The following RAB27A variants were observed in gnomAD, a reference collection of about 807,000 sequenced individuals.
RAB27A encodes ras-related protein Rab-27A.
RAB27A carries 17 observed loss-of-function variants against 20.8 expected under a neutral mutation model. That is an observed-to-expected ratio of 0.82 (90% CI 0.56 to 1.23). The LOEUF (loss-of-function observed/expected upper bound fraction) is 1.23. RAB27A is among the 50% of genes most tolerant of loss of function. RAB27A has a pLI of 0.00. For missense variants in RAB27A, 277 were observed against 266.7 expected (o/e 1.04, Z -0.27); for synonymous variants, 85 against 92.8 (o/e 0.92, Z 0.48).
At chr15:55,216,258 G>C (rs912676054) in intron 6 of RAB27A, among the ~76,000 whole-genome samples, 3 of 152,136 alleles carry the variant, frequency 2.0e-5, no homozygotes, top group Admixed American at 2.0e-4. Flanking sequence ...ACACAGCCAG[G>C]CACCGTGGCT....
rs1894508519 is a variant in RAB27A at position 55,203,704 on chromosome 15, G to A, written c.*1803C>T. ...CCCAAAGTGCTGGGATTACAGGTGT[G>A]AGCCACCGCGCCTGGCCAACCCTGC... is the stretch of plus-strand genomic sequence containing the variant. On this transcript the variant is annotated 3_prime_UTR_variant, in exon 7 of 7. Transcript: ENST00000336787. 2 of 151,626 alleles carry A rather than the reference G, an allele frequency of 1.3e-5. No individual in the cohort carries two copies. The highest frequency in any genetic ancestry group is 4.2e-4 in the South Asian group (2 of 4,794). 9.4% of individuals were successfully genotyped at this position (151,626 alleles called of 1,614,324 possible). A position where few individuals can be genotyped will look rare whatever the true frequency, so the allele number is the denominator to read the frequency against.
chr15:55,291,263 C>A (rs191149092), upstream of RAB27A, among the ~76,000 whole-genome samples: 915 of 152,274 alleles, frequency 6.0e-3, 4 homozygotes, highest in Non-Finnish European at 8.9e-3. Flanking sequence ...GTAATCCCAG[C>A]ACTTTGGGAG....
chr15:55,223,950 C>A lies in RAB27A; in HGVS notation c.406G>T (p.Asp136Tyr). 6.2e-7 allele frequency: 1 copy of A among 1,613,106 alleles called. No homozygotes were observed. The highest frequency in any genetic ancestry group is 1.1e-5 in the South Asian group (1 of 91,060). Reference protein sequence around the residue: ...PDIVLCGNKSDLEDQRVVKEE... With the variant: ...PDIVLCGNKSYLEDQRVVKEE... ...TTCACTACTCTCTGGTCCTCCAGAT[C>A]ACTCTTGTTTCCACACAGCACTATA... is the stretch of plus-strand genomic sequence containing the variant. The change falls in exon 6 of 7, where the codon GAT becomes TAT. Residue 136 changes from aspartate to tyrosine, a missense_variant. Coordinates refer to ENST00000336787, the MANE Select transcript of RAB27A (RefSeq NM_183235.3).
chr15:55,262,981 G>T (rs190596988), intron 2 of RAB27A, among the ~76,000 whole-genome samples: 87 of 152,304 alleles, frequency 5.7e-4, no homozygotes, highest in Admixed American at 3.3e-3. Context: ...CGAGTATTAT[G>T]AATGGGTGTC....
rs139246904 is a variant in RAB27A, at chr15:55,252,762, G to A, written c.-23+17403C>T. On this transcript the variant is annotated intron_variant, in intron 2 of 6. Transcript: ENST00000336787. ...CATAGTAGTTGTTGCTTTATCAAAAGCCAGAGAAATGTTCTAACCTTCTAA... is the reference window on the plus strand; with the variant it reads ...CATAGTAGTTGTTGCTTTATCAAAAACCAGAGAAATGTTCTAACCTTCTAA... Among the ~76,000 whole-genome samples the A allele has an allele frequency of 2.7e-4, 41 of 152,196 alleles. No individual in the cohort carries two copies. The East Asian group carries it at 7.7e-3, about 29-fold the overall frequency.
chr15:55,309,000 G>GT (rs908920780), intron 2 of RAB27A, among the ~76,000 whole-genome samples: 8 of 152,092 alleles, frequency 5.3e-5, no homozygotes, highest in African/African-American at 1.4e-4. Flanking sequence ...GCTATTCCTG[G>GT]TTTTTTTATG....
intron 6 of RAB27A, among the ~76,000 whole-genome samples, chr15:55,209,147 G>A (rs537432393): frequency 6.6e-6 from 1 of 152,162 alleles, no homozygotes; most frequent in African/African-American, 2.4e-5. Flanking sequence ...TAGAACGATT[G>A]GAATTTTTCC....
chr15:55,212,373 C>G (rs1895067926), intron 6 of RAB27A, among the ~76,000 whole-genome samples: 2 of 152,106 alleles, frequency 1.3e-5, no homozygotes, highest in Non-Finnish European at 2.9e-5. Context: ...ATCTTATGCA[C>G]TGTACAAGAA....
intron 2 of RAB27A, among the ~76,000 whole-genome samples, chr15:55,253,562 C>G (rs552508237): frequency 6.6e-6 from 1 of 152,286 alleles, no homozygotes; most frequent in Non-Finnish European, 1.5e-5. Context: ...ACTTAGTCCC[C>G]CAAGGCCATA....
upstream of RAB27A, among the ~76,000 whole-genome samples, chr15:55,291,858 G>A (rs1898320968): frequency 6.6e-6 from 1 of 152,162 alleles, no homozygotes; most frequent in African/African-American, 2.4e-5. Flanking sequence ...AGAGACCATC[G>A]AATAAGTAGG....
chr15:55,266,983 A>G (rs539293965), intron 2 of RAB27A, among the ~76,000 whole-genome samples: 2 of 152,242 alleles, frequency 1.3e-5, no homozygotes, highest in African/African-American at 2.4e-5. Context: ...AATGAGATGG[A>G]CATTTAGAGT....
intron 2 of RAB27A, among the ~76,000 whole-genome samples, chr15:55,262,623 T>C (rs1450164652): frequency 1.7e-5 from 2 of 117,064 alleles, no homozygotes; most frequent in African/African-American, 8.7e-5. Context: ...GTCTTATCTC[T>C]TTTTTTTCTT....
intron 3 of RAB27A, 32 bp downstream of exon 3, chr15:55,234,750 T>C (rs2140989663): frequency 6.3e-7 from 1 of 1,581,160 alleles, no homozygotes; most frequent in South Asian, 1.1e-5. Context: ...ACTTAACGAT[T>C]ACATTTTTAC....
intron 6 of RAB27A, among the ~76,000 whole-genome samples, chr15:55,215,110 A>G (rs1040868646): frequency 7.9e-5 from 12 of 152,186 alleles, no homozygotes; most frequent in African/African-American, 2.9e-4. Flanking sequence ...GTAGTTGAAC[A>G]GTAAGCTTTT....
At chr15:55,230,508 G>T (rs768053686) in intron 3 of RAB27A, 22 bp from the exon 4 acceptor site, 4 of 1,586,328 alleles carry the variant, frequency 2.5e-6, no homozygotes, top group Non-Finnish European at 3.5e-6. Context: ...AAGTGAAAGA[G>T]AAAACAAAAG....
upstream of RAB27A, among the ~76,000 whole-genome samples, chr15:55,291,468 G>A (rs997877468): frequency 2.3e-5 from 3 of 128,778 alleles, no homozygotes; most frequent in Admixed American, 2.9e-4. Context: ...CCGAGATGGC[G>A]CCACTGCACT....
At chr15:55,217,115 T>C (rs964242545) in intron 6 of RAB27A, among the ~76,000 whole-genome samples, 2 of 152,228 alleles carry the variant, frequency 1.3e-5, no homozygotes, top group Non-Finnish European at 2.9e-5. Flanking sequence ...ATTAAAAGTA[T>C]ACTTTCTTGC....
At chr15:55,308,988 G>C (rs1380219595) in intron 2 of RAB27A, among the ~76,000 whole-genome samples, 1 of 152,182 alleles carries the variant, frequency 6.6e-6, no homozygotes, top group African/African-American at 2.4e-5. Context: ...AGGACTCCTA[G>C]AGCTATTCCT....
At chr15:55,272,828 G>T (rs1897748301) in intron 1 of RAB27A, among the ~76,000 whole-genome samples, 1 of 152,154 alleles carries the variant, frequency 6.6e-6, no homozygotes, top group Non-Finnish European at 1.5e-5. Context: ...TCGGAAAGCT[G>T]ACTCTTTATC....
Sources: gnomAD v4.1 joint callset for allele counts (sites outside exome capture counted in the v4.1 genomes callset) on GRCh38, gnomAD v4.1.1 for gene constraint, MANE v1.5 for transcripts, NCBI Gene and HGNC (gene_info 2026-07-23, HGNC 2026-07-21) for gene names.